The following TCERG1L variants were observed in gnomAD, a reference collection of about 807,000 sequenced individuals.
TCERG1L encodes transcription elongation regulator 1-like protein.
A neutral mutation model predicts 56.3 loss-of-function variants in TCERG1L; 37 were observed. The ratio of observed to expected loss-of-function variants is 0.66; its 90% CI spans 0.51 to 0.87. The LOEUF is 0.87. TCERG1L is among the 40% of genes least tolerant of loss of function. The pLI is 0.00. For missense variants in TCERG1L, 799 were observed against 774.2 expected (o/e 1.03, Z -0.38); for synonymous variants, 324 against 326.3 (o/e 0.99, Z 0.08).
chr10:131,272,002 G>T (rs1426722476), intron 3 of TCERG1L, among the ~76,000 whole-genome samples: 1 of 152,248 alleles, frequency 6.6e-6, no homozygotes, highest in Non-Finnish European at 1.5e-5. Flanking sequence ...CCAGGACAGT[G>T]ACTTCAGGCA....
intron 3 of TCERG1L, among the ~76,000 whole-genome samples, chr10:131,278,569 CTGACCTCAGG>C (rs1846419035): frequency 6.6e-6 from 1 of 152,128 alleles, no homozygotes; most frequent in South Asian, 2.1e-4. Flanking sequence ...TCTCGAACCC[CTGACCTCAGG>C]TGATCCACCC....
intron 4 of TCERG1L, among the ~76,000 whole-genome samples, chr10:131,199,939 G>A (rs1019390108): frequency 1.3e-5 from 2 of 152,186 alleles, no homozygotes; most frequent in Non-Finnish European, 2.9e-5. Flanking sequence ...AGCAAAGGCT[G>A]TAAAATTACC....
intron 4 of TCERG1L, among the ~76,000 whole-genome samples, chr10:131,242,019 A>G (rs1845979474): frequency 6.6e-6 from 1 of 152,212 alleles, no homozygotes; most frequent in Non-Finnish European, 1.5e-5. Context: ...TCAAAGTAAC[A>G]TTGTACAACT....
chr10:131,099,293 A>G (rs1313394514), intron 10 of TCERG1L, among the ~76,000 whole-genome samples: 1 of 152,230 alleles, frequency 6.6e-6, no homozygotes, highest in Non-Finnish European at 1.5e-5. Flanking sequence ...CAGGCCACAG[A>G]ACCTCTTCTC....
chr10:131,286,007 T>G (rs1255653226), intron 3 of TCERG1L, among the ~76,000 whole-genome samples: 2 of 152,166 alleles, frequency 1.3e-5, no homozygotes, highest in Non-Finnish European at 2.9e-5. Flanking sequence ...CATCACACAC[T>G]GTACTGAAAG....
At chr10:131,201,729 C>T (rs1453679426) in intron 4 of TCERG1L, among the ~76,000 whole-genome samples, 1 of 152,226 alleles carries the variant, frequency 6.6e-6, no homozygotes, top group African/African-American at 2.4e-5. Flanking sequence ...GAATTTTACA[C>T]TGCATTCTGT....
intron 8 of TCERG1L, among the ~76,000 whole-genome samples, chr10:131,130,709 CA>C (rs1845608976): frequency 6.6e-6 from 1 of 152,150 alleles, no homozygotes; most frequent in African/African-American, 2.4e-5. Flanking sequence ...TTTATACCTC[CA>C]AGTAGTGATA....
chr10:131,153,684 T>C (rs1845889665), intron 6 of TCERG1L, among the ~76,000 whole-genome samples: 1 of 152,216 alleles, frequency 6.6e-6, no homozygotes, highest in Admixed American at 6.5e-5. Context: ...GGTTCTCAGA[T>C]GCAGAGACAC....
At chr10:131,128,790 T>C (rs1265472836) in intron 8 of TCERG1L, among the ~76,000 whole-genome samples, 1 of 152,156 alleles carries the variant, frequency 6.6e-6, no homozygotes, top group South Asian at 2.1e-4. Flanking sequence ...TAGATCAAGA[T>C]AGATCATCTG....
intron 4 of TCERG1L, among the ~76,000 whole-genome samples, chr10:131,234,125 C>T (rs1055143543): frequency 9.2e-5 from 14 of 152,142 alleles, no homozygotes; most frequent in African/African-American, 3.1e-4. Flanking sequence ...TATCAGTTAC[C>T]CAGCCTCAGG....
chr10:131,262,834 C>T (rs899235144), intron 3 of TCERG1L, among the ~76,000 whole-genome samples: 1 of 152,152 alleles, frequency 6.6e-6, no homozygotes, highest in African/African-American at 2.4e-5. Flanking sequence ...TCATCCCTCC[C>T]TCCCCCTAGC....
intron 4 of TCERG1L, among the ~76,000 whole-genome samples, chr10:131,195,970 C>T (rs1303612799): frequency 2.0e-5 from 3 of 152,322 alleles, no homozygotes; most frequent in South Asian, 2.1e-4. Flanking sequence ...AACTGGGCAG[C>T]GGGGCTGGCA....
intron 4 of TCERG1L, among the ~76,000 whole-genome samples, chr10:131,223,786 C>G (rs1423015853): frequency 1.3e-5 from 2 of 152,038 alleles, no homozygotes; most frequent in Non-Finnish European, 1.5e-5. Context: ...CAAGGTCACT[C>G]CCTGAAGTCT....
At chr10:131,148,967 A>C (rs1237237906) in intron 6 of TCERG1L, among the ~76,000 whole-genome samples, 1 of 152,154 alleles carries the variant, frequency 6.6e-6, no homozygotes, top group Non-Finnish European at 1.5e-5. Flanking sequence ...TTGTGCCTGG[A>C]GGCCTTGGCC....
intron 3 of TCERG1L, among the ~76,000 whole-genome samples, chr10:131,300,551 TTTTAA>T (rs1001743948): frequency 2.0e-5 from 3 of 152,206 alleles, no homozygotes; most frequent in African/African-American, 4.8e-5. Context: ...TTTTCTAATA[TTTTAA>T]TTTGACTTTC....
At chr10:131,102,856 C>T (rs1845317018) in intron 10 of TCERG1L, among the ~76,000 whole-genome samples, 1 of 152,132 alleles carries the variant, frequency 6.6e-6, no homozygotes, top group African/African-American at 2.4e-5. Flanking sequence ...CCATCGGTCC[C>T]TCTCCCAGCA....
chr10:131,136,348 T>G (rs979340191), intron 7 of TCERG1L, among the ~76,000 whole-genome samples: 1 of 152,194 alleles, frequency 6.6e-6, no homozygotes, highest in Non-Finnish European at 1.5e-5. Flanking sequence ...TTCTGGTTTT[T>G]TTTGAGACGG....
intron 4 of TCERG1L, among the ~76,000 whole-genome samples, chr10:131,208,423 G>A (rs905883541): frequency 3.3e-5 from 5 of 152,196 alleles, no homozygotes; most frequent in Admixed American, 2.0e-4. Context: ...GCATGTGAAC[G>A]ATGGTGAGCT....
intron 3 of TCERG1L, among the ~76,000 whole-genome samples, chr10:131,302,183 C>T (rs1846769118): frequency 1.3e-5 from 2 of 151,898 alleles, no homozygotes; most frequent in South Asian, 2.1e-4. Flanking sequence ...ATGAACCAAG[C>T]TTGTCTAGTA....
Sources: allele counts gnomAD v4.1 joint callset (sites outside exome capture counted in the v4.1 genomes callset), GRCh38; gene constraint gnomAD v4.1.1; transcripts MANE v1.5; gene names NCBI Gene and HGNC (gene_info 2026-07-23, HGNC 2026-07-21).